Variants in GALNTL6 observed in about 807,000 individuals in gnomAD.
The protein encoded by GALNTL6 is polypeptide N-acetylgalactosaminyltransferase like 6.
In GALNTL6, 46 loss-of-function variants were observed where a neutral mutation model predicts 73.7. The observed-to-expected ratio is 0.62, with a 90% CI of 0.49 to 0.80. The LOEUF (loss-of-function observed/expected upper bound fraction) is 0.80, where lower values mean the gene tolerates loss of function less well. Ranked by LOEUF, GALNTL6 falls within the 30% of genes least tolerant of loss-of-function variation. The pLI is 0.00. For missense variants in GALNTL6, 604 were observed against 755.0 expected, an observed-to-expected ratio of 0.80 and a Z score of 2.34; for synonymous variants, 259 against 263.7, an observed-to-expected ratio of 0.98 and a Z score of 0.17.
intron 2 of GALNTL6, among the ~76,000 whole-genome samples, chr4:172,141,056 T>A (rs908749479): frequency 6.6e-6 from 1 of 152,070 alleles, no homozygotes; most frequent in Non-Finnish European, 1.5e-5. Context: ...ATTTGATTAA[T>A]CTTTGCCCTT....
At chr4:172,332,061 T>G (rs1741146231) in intron 4 of GALNTL6, among the ~76,000 whole-genome samples, 1 of 152,164 alleles carries the variant, frequency 6.6e-6, no homozygotes, top group African/African-American at 2.4e-5. Context: ...ATAATGACCT[T>G]TCTGACAGGT....
At chr4:171,888,386 C>A (rs74639586) in intron 2 of GALNTL6, among the ~76,000 whole-genome samples, 5 of 150,696 alleles carry the variant, frequency 3.3e-5, no homozygotes, top group African/African-American at 1.2e-4. Flanking sequence ...TTTCTCTCCA[C>A]CTTTTTGCTT....
chr4:172,999,525 G>C (rs1461833716), intron 10 of GALNTL6, among the ~76,000 whole-genome samples: 8 of 152,058 alleles, frequency 5.3e-5, no homozygotes, highest in Non-Finnish European at 1.2e-4. Context: ...AAGTTGAAAG[G>C]CAAAATATTA....
intron 7 of GALNTL6, among the ~76,000 whole-genome samples, chr4:172,834,233 C>T (rs1742789616): frequency 6.6e-6 from 1 of 152,142 alleles, no homozygotes; most frequent in African/African-American, 2.4e-5. Flanking sequence ...AAGTGTGGAC[C>T]CACCCTGGGT....
At chr4:172,079,374 G>A (rs1187476499) in intron 2 of GALNTL6, among the ~76,000 whole-genome samples, 1 of 151,942 alleles carries the variant, frequency 6.6e-6, no homozygotes, top group Non-Finnish European at 1.5e-5. Context: ...TATTGATTTT[G>A]TAGGTTATTT....
At chr4:172,578,891 G>C (rs1218534453) in intron 5 of GALNTL6, among the ~76,000 whole-genome samples, 1 of 152,176 alleles carries the variant, frequency 6.6e-6, no homozygotes, top group East Asian at 1.9e-4. Flanking sequence ...ACGTGAGTGA[G>C]GTTTTGCAAC....
At chr4:172,036,764 T>C (rs926670233) in intron 2 of GALNTL6, among the ~76,000 whole-genome samples, 5 of 152,112 alleles carry the variant, frequency 3.3e-5, no homozygotes, top group Admixed American at 2.6e-4. Flanking sequence ...AGAACCCAGT[T>C]GACGTTTCTA....
At chr4:173,017,276 T>TAACA (rs1482446956) in intron 11 of GALNTL6, among the ~76,000 whole-genome samples, 2 of 152,224 alleles carry the variant, frequency 1.3e-5, no homozygotes, top group African/African-American at 4.8e-5. Context: ...CAACTTACTT[T>TAACA]AACACTGAGG....
intron 2 of GALNTL6, among the ~76,000 whole-genome samples, chr4:172,049,231 AAT>A (rs963976625): frequency 2.7e-5 from 4 of 150,888 alleles, no homozygotes; most frequent in Admixed American, 2.6e-4. Context: ...ATGAAATAAA[AAT>A]TTTTTTTTAT....
At chr4:173,015,828 G>C (rs943715204) in intron 11 of GALNTL6, among the ~76,000 whole-genome samples, 7 of 152,214 alleles carry the variant, frequency 4.6e-5, no homozygotes, top group Non-Finnish European at 8.8e-5. Flanking sequence ...AGACAATAGG[G>C]AATATGTCTC....
intron 5 of GALNTL6, among the ~76,000 whole-genome samples, chr4:172,429,217 T>TATTTTATTTTATTTTATTTA (rs1203424457): frequency 6.7e-6 from 1 of 149,644 alleles, no homozygotes; most frequent in Non-Finnish European, 1.5e-5. Flanking sequence ...TATTTTATTT[T>TATTTTATTTTATTTTATTTA]ATTTTATTTT....
intron 2 of GALNTL6, among the ~76,000 whole-genome samples, chr4:172,196,874 C>T (rs1386418502): frequency 6.6e-6 from 1 of 152,154 alleles, no homozygotes; most frequent in Non-Finnish European, 1.5e-5. Flanking sequence ...CCTTTGAAAA[C>T]TGGCAGATTT....
At chr4:172,219,060 T>C (rs1256515605) in intron 2 of GALNTL6, among the ~76,000 whole-genome samples, 2 of 150,752 alleles carry the variant, frequency 1.3e-5, no homozygotes, top group African/African-American at 4.9e-5. Flanking sequence ...TTTTAACTCC[T>C]GAAAGAATAT....
intron 2 of GALNTL6, among the ~76,000 whole-genome samples, chr4:171,856,850 C>G (rs763291934): frequency 6.6e-6 from 1 of 152,116 alleles, no homozygotes; most frequent in Admixed American, 6.5e-5. Flanking sequence ...TATAGTAAAT[C>G]TTGAAGTAGG....
At chr4:171,874,312 C>T (rs963896950) in intron 2 of GALNTL6, among the ~76,000 whole-genome samples, 3 of 152,228 alleles carry the variant, frequency 2.0e-5, no homozygotes, top group East Asian at 1.9e-4. Flanking sequence ...AAGTGATTCT[C>T]CTGAGTAGCT....
At chr4:172,515,268 A>T (rs1353908035) in intron 5 of GALNTL6, among the ~76,000 whole-genome samples, 2 of 152,234 alleles carry the variant, frequency 1.3e-5, no homozygotes, top group East Asian at 3.9e-4. Flanking sequence ...GTAGGGATTT[A>T]AACAGTTAAA....
intron 9 of GALNTL6, among the ~76,000 whole-genome samples, chr4:172,948,713 C>T (rs1749295386): frequency 6.6e-6 from 1 of 151,444 alleles, no homozygotes; most frequent in South Asian, 2.1e-4. Context: ...TTAGGTGATC[C>T]ACCTGCCTCA....
chr4:171,892,455 C>A (rs1323351351), intron 2 of GALNTL6, among the ~76,000 whole-genome samples: 2 of 152,158 alleles, frequency 1.3e-5, no homozygotes, highest in African/African-American at 2.4e-5. Flanking sequence ...ATATCCCTTA[C>A]AAATGCCAAA....
At chr4:172,994,449 A>G (rs944673322) in intron 10 of GALNTL6, among the ~76,000 whole-genome samples, 4 of 152,216 alleles carry the variant, frequency 2.6e-5, no homozygotes, top group African/African-American at 9.7e-5. Flanking sequence ...GAGCTCCACA[A>G]AACAGAAAGG....
Sources: allele counts gnomAD v4.1 joint callset (sites outside exome capture counted in the v4.1 genomes callset), GRCh38; gene constraint gnomAD v4.1.1; transcripts MANE v1.5; gene names NCBI Gene and HGNC (gene_info 2026-07-23, HGNC 2026-07-21).